Variants in CASR observed in about 807,000 individuals in gnomAD.
CASR encodes the protein calcium sensing receptor.
CASR carries 23 observed loss-of-function variants against 69.1 expected under a neutral mutation model. The observed-to-expected ratio is 0.33, with a 90% confidence interval of 0.24 to 0.47. The LOEUF (loss-of-function observed/expected upper bound fraction) is 0.47, where lower values mean the gene tolerates loss of function less well. Among genes scored for constraint, CASR ranks in the 20% least tolerant of loss-of-function variants. CASR has a pLI of 1.00. For missense variants in CASR, 924 were observed against 1,356.1 expected (o/e 0.68, Z 5.00); for synonymous variants, 541 against 544.7 (o/e 0.99, Z 0.10).
intron 1 of CASR, among the ~76,000 whole-genome samples, chr3:122,189,600 C>CT (rs981684513): frequency 6.6e-6 from 1 of 152,178 alleles, no homozygotes; most frequent in African/African-American, 2.4e-5. Context: ...AGAGAGGAAA[C>CT]TAATTTTAGC....
chr3:122,275,017 T>A (rs1032236564), intron 4 of CASR, among the ~76,000 whole-genome samples: 2 of 152,196 alleles, frequency 1.3e-5, no homozygotes, highest in Non-Finnish European at 2.9e-5. Context: ...GACGAGATAC[T>A]TAAAGTTTTC....
intron 6 of CASR, among the ~76,000 whole-genome samples, chr3:122,282,479 G>T (rs1057126376): frequency 6.6e-6 from 1 of 152,126 alleles, no homozygotes; most frequent in Admixed American, 6.5e-5. Context: ...ACTTCATATT[G>T]TCGGCCAATA....
intron 1 of CASR, among the ~76,000 whole-genome samples, chr3:122,194,060 C>T (rs1419687135): frequency 1.3e-5 from 2 of 152,142 alleles, no homozygotes; most frequent in African/African-American, 4.8e-5. Flanking sequence ...CTGTCCTGCC[C>T]ATTTCACATG....
chr3:122,251,781 T>C (rs2107621651), intron 1 of CASR, among the ~76,000 whole-genome samples: 1 of 152,380 alleles, frequency 6.6e-6, no homozygotes, highest in East Asian at 1.9e-4. Flanking sequence ...ATTGTGCTAA[T>C]GGCTCTCCAT....
At chr3:122,264,341 A>T (rs949436765) in intron 4 of CASR, among the ~76,000 whole-genome samples, 1 of 152,186 alleles carries the variant, frequency 6.6e-6, no homozygotes, top group African/African-American at 2.4e-5. Flanking sequence ...TGAAGCTAGG[A>T]TCTCCTTACT....
chr3:122,272,345 T>C lies in CASR; in HGVS notation c.1378-3467T>C, dbSNP rs17197889. 8.7e-3 allele frequency among the ~76,000 whole-genome samples: 1,327 copies of C among 152,336 alleles called. 12 individuals carry two copies. Among genetic ancestry groups the C allele is most frequent in the Non-Finnish European group, 0.015 (1,023 of 68,026 alleles). ...TTGCCTTGGCTCCTCTTTACTTATC[T>C]TCTGTATTTCCCCTTGTTCTCTAGT... On this transcript the variant is annotated intron_variant, in intron 4 of 6. Transcript: ENST00000639785.
intron 3 of CASR, among the ~76,000 whole-genome samples, chr3:122,259,568 C>G (rs1009401581): frequency 1.4e-5 from 2 of 138,124 alleles, no homozygotes; most frequent in South Asian, 4.4e-4. Flanking sequence ...TTTTACAGAC[C>G]AACGCCTTTT....
At chr3:122,244,967 G>A (rs557430471) in intron 1 of CASR, among the ~76,000 whole-genome samples, 14 of 152,076 alleles carry the variant, frequency 9.2e-5, no homozygotes, top group Admixed American at 7.2e-4. Context: ...TATAGCCATT[G>A]TTTTAATAAC....
At chr3:122,226,983 A>G (rs1293873165) in intron 1 of CASR, among the ~76,000 whole-genome samples, 2 of 152,166 alleles carry the variant, frequency 1.3e-5, no homozygotes, top group Non-Finnish European at 2.9e-5. Flanking sequence ...AACTAGATAC[A>G]GAGTGCCAAT....
intron 1 of CASR, among the ~76,000 whole-genome samples, chr3:122,200,914 G>A (rs1202355102): frequency 1.3e-5 from 2 of 151,510 alleles, no homozygotes; most frequent in African/African-American, 2.4e-5. Context: ...GATTACCAAT[G>A]AGTATATGCT....
At chr3:122,256,064 T>G (rs1202922844) in intron 2 of CASR, among the ~76,000 whole-genome samples, 1 of 152,250 alleles carries the variant, frequency 6.6e-6, no homozygotes, top group Non-Finnish European at 1.5e-5. Flanking sequence ...AATGTTCTTC[T>G]TTGAAAAGCA....
chr3:122,265,813 C>A (rs1443773344), intron 4 of CASR, among the ~76,000 whole-genome samples: 3 of 152,194 alleles, frequency 2.0e-5, no homozygotes, highest in Non-Finnish European at 4.4e-5. Flanking sequence ...CACACCAACA[C>A]TCACTAGTCA....
intron 1 of CASR, among the ~76,000 whole-genome samples, chr3:122,218,939 A>AAAGACAGCC (rs1299317547): frequency 6.6e-6 from 1 of 152,180 alleles, no homozygotes; most frequent in Non-Finnish European, 1.5e-5. Context: ...AAAGGATGAG[A>AAAGACAGCC]AAGACAGCCA....
intron 1 of CASR, among the ~76,000 whole-genome samples, chr3:122,239,562 G>A (rs545030251): frequency 4.7e-4 from 72 of 152,340 alleles, no homozygotes; most frequent in Non-Finnish European, 3.1e-4. Flanking sequence ...AGGGCACTGA[G>A]GTAGAACATA....
At chr3:122,228,850 T>C (rs2074253220) in intron 1 of CASR, among the ~76,000 whole-genome samples, 1 of 152,140 alleles carries the variant, frequency 6.6e-6, no homozygotes, top group East Asian at 1.9e-4. Flanking sequence ...CCCCTGAGAC[T>C]CCACCATCCT....
rs201520875 is a variant in CASR at position 122,262,323 on chromosome 3, G to A, written c.1288G>A (p.Ala430Thr). 1 of 1,613,962 alleles carries A rather than the reference G, an allele frequency of 6.2e-7. No homozygotes were observed. The highest frequency in any genetic ancestry group is 8.5e-7 in the Non-Finnish European group (1 of 1,179,908). ...VYLAVYSIAH[A>T]LQDIYTCLPG... ...CTTAGCAGTCTACTCCATTGCCCAC[G>A]CCTTGCAAGATATATATACCTGCTT... is the stretch of plus-strand genomic sequence containing the variant. Residue 430 changes from alanine (A) to threonine (T), a missense_variant, in exon 4 of 7, where the codon GCC (alanine) becomes ACC (threonine). This residue lies in a region of CASR where 310 missense variants were observed against 395.7 expected (regional missense o/e 0.78). Coordinates refer to ENST00000639785, the MANE Select transcript of CASR (RefSeq NM_000388.4).
chr3:122,222,997 C>T (rs2074186728), intron 1 of CASR, among the ~76,000 whole-genome samples: 1 of 152,030 alleles, frequency 6.6e-6, no homozygotes, highest in South Asian at 2.1e-4. Flanking sequence ...TTAAGGCAGA[C>T]ATCAAAAAAT....
At position 122,284,162 on chromosome 3, in the gene CASR, T is replaced by G; in HGVS notation, c.2208T>G (p.Ile736Met). 1 of 1,613,424 alleles carries G rather than the reference T, an allele frequency of 6.2e-7. No individual in the cohort carries two copies. The highest frequency in any genetic ancestry group is 1.1e-5 in the South Asian group (1 of 91,068). Residue 736 changes from isoleucine to methionine, a missense_variant, in exon 7 of 7, where the codon ATT becomes ATG. Ile to Met is a conservative substitution (Grantham distance 10). This residue lies in a region of CASR where 184 missense variants were observed against 278.8 expected (regional missense o/e 0.66). Transcript: ENST00000639785. ...LLVFLCTFMQIVICVIWLYTA... is the reference protein window; with the variant it reads ...LLVFLCTFMQMVICVIWLYTA... ...TTTTCCTCTGCACCTTCATGCAGAT[T>G]GTCATCTGTGTGATCTGGCTCTACA...
At chr3:122,261,125 A>T (rs1158713741) in intron 3 of CASR, among the ~76,000 whole-genome samples, 1 of 152,228 alleles carries the variant, frequency 6.6e-6, no homozygotes, top group African/African-American at 2.4e-5. Context: ...AACAAGCCAA[A>T]GTTGTGTACA....
Sources: gnomAD v4.1 joint callset for allele counts (sites outside exome capture counted in the v4.1 genomes callset) on GRCh38, gnomAD v4.1.1 for gene constraint, gnomAD v4.1.1 regional missense constraint, MANE v1.5 for transcripts, NCBI Gene and HGNC (gene_info 2026-07-23, HGNC 2026-07-21) for gene names.